The following PLD1 variants were observed in gnomAD, a reference collection of about 807,000 sequenced individuals.
PLD1 encodes the protein phospholipase D1, also known as choline phosphatase 1.
Under a neutral mutation model 137.1 loss-of-function variants are expected in PLD1, and 112 were observed. The ratio of observed to expected loss-of-function variants is 0.82; its 90% CI spans 0.70 to 0.96. The LOEUF is 0.96. Among genes scored for constraint, PLD1 ranks in the 40% least tolerant of loss-of-function variants. The pLI is 0.00. For missense variants in PLD1, 1,321 were observed against 1,342.0 expected, an observed-to-expected ratio of 0.98 and a Z score of 0.24; for synonymous variants, 431 against 454.7, an observed-to-expected ratio of 0.95 and a Z score of 0.66.
At chr3:171,805,187 G>T (rs1324204476) in intron 1 of PLD1, among the ~76,000 whole-genome samples, 1 of 151,818 alleles carries the variant, frequency 6.6e-6, no homozygotes, top group African/African-American at 2.4e-5. Context: ...TTTCTTTTGT[G>T]CGTCAGAGGC....
chr3:171,638,549 G>T (rs1735359173), intron 23 of PLD1, among the ~76,000 whole-genome samples: 1 of 152,120 alleles, frequency 6.6e-6, no homozygotes, highest in African/African-American at 2.4e-5. Flanking sequence ...TGAAGAATTG[G>T]TGTTAATTCT....
At position 171,738,127 on chromosome 3, in the gene PLD1, C is replaced by T. The variant is rs1006844567; in HGVS notation, c.-31-45G>A. 5.2e-6 allele frequency: 6 copies of T among 1,151,120 alleles called. No homozygotes were observed. In the African/African-American group the frequency reaches 6.2e-5, roughly 12 times the overall value. The allele number at this position is 1,151,120 out of a possible 1,614,324, so 71.3% of individuals were successfully genotyped here. ...TTACAAAGACTTAGCATTTTGATAA[C>T]ATAAAATGCTATTCCACAATTTGAA... On this transcript the variant is annotated intron_variant, in intron 1 of 26. Transcript: ENST00000351298.
chr3:171,778,354 T>C (rs2108338388), intron 1 of PLD1, among the ~76,000 whole-genome samples: 1 of 152,350 alleles, frequency 6.6e-6, no homozygotes, highest in South Asian at 2.1e-4. Flanking sequence ...TCAGGGAGTT[T>C]ATATTCTATT....
intron 16 of PLD1, among the ~76,000 whole-genome samples, chr3:171,678,482 C>G (rs532509918): frequency 6.6e-6 from 1 of 152,274 alleles, no homozygotes; most frequent in African/African-American, 2.4e-5. Flanking sequence ...CATTGACTTA[C>G]GGCTAAATAC....
intron 13 of PLD1, 73 bp downstream of exon 13, chr3:171,692,259 C>A: frequency 1.3e-6 from 1 of 744,044 alleles, no homozygotes; most frequent in Non-Finnish European, 2.4e-6. Context: ...TATTACTGCC[C>A]AGAACAAAAC....
chr3:171,746,517 C>T (rs1221696174), intron 1 of PLD1, among the ~76,000 whole-genome samples: 1 of 152,170 alleles, frequency 6.6e-6, no homozygotes, highest in African/African-American at 2.4e-5. Flanking sequence ...GTAAATACAA[C>T]AATCAGCACT....
chr3:171,762,539 ACCC>A (rs575254549), intron 1 of PLD1, among the ~76,000 whole-genome samples: 38 of 152,252 alleles, frequency 2.5e-4, no homozygotes, highest in Non-Finnish European at 4.6e-4. Flanking sequence ...TGTAGCGGGG[ACCC>A]AGAGGAGGAG....
intron 13 of PLD1, among the ~76,000 whole-genome samples, chr3:171,690,494 TC>T (rs1715043722): frequency 1.3e-5 from 2 of 152,308 alleles, no homozygotes; most frequent in Middle Eastern, 6.8e-3. Context: ...GCTGTAAATT[TC>T]CCCCTTTGCA....
intron 1 of PLD1, among the ~76,000 whole-genome samples, chr3:171,783,032 T>TA (rs1314991047): frequency 6.6e-6 from 1 of 151,934 alleles, no homozygotes; most frequent in African/African-American, 2.4e-5. Flanking sequence ...TGCAAGAGAA[T>TA]ATGGGAGCTG....
At chr3:171,680,086 T>C (rs1426520365) in intron 16 of PLD1, among the ~76,000 whole-genome samples, 1 of 152,084 alleles carries the variant, frequency 6.6e-6, no homozygotes, top group African/African-American at 2.4e-5. Context: ...TGTCCTCTGG[T>C]CGTGCCACAT....
intron 16 of PLD1, among the ~76,000 whole-genome samples, chr3:171,678,889 A>G (rs1285543219): frequency 2.0e-5 from 3 of 152,064 alleles, no homozygotes; most frequent in Non-Finnish European, 4.4e-5. Context: ...CCATGTCTCC[A>G]TGCAGTTGGC....
intron 23 of PLD1, among the ~76,000 whole-genome samples, chr3:171,629,523 A>T (rs1310278138): frequency 6.6e-6 from 1 of 152,230 alleles, no homozygotes; most frequent in Non-Finnish European, 1.5e-5. Context: ...TTTAAAGTTC[A>T]CATGGAACCA....
chr3:171,661,046 A>G (rs149200273), intron 20 of PLD1, among the ~76,000 whole-genome samples: 1 of 152,350 alleles, frequency 6.6e-6, no homozygotes, highest in African/African-American at 2.4e-5. Context: ...ACTAAGCTCC[A>G]GACTTTATGC....
chr3:171,670,569 T>C (rs974850268), intron 19 of PLD1, among the ~76,000 whole-genome samples: 7 of 152,192 alleles, frequency 4.6e-5, no homozygotes, highest in African/African-American at 7.2e-5. Context: ...ATTATAGAAA[T>C]AGCAGGTTTT....
intron 12 of PLD1, among the ~76,000 whole-genome samples, chr3:171,694,627 T>C (rs1446969783): frequency 6.6e-6 from 1 of 151,936 alleles, no homozygotes; most frequent in Non-Finnish European, 1.5e-5. Flanking sequence ...ACCTAAATAG[T>C]AGAACATTAC....
intron 1 of PLD1, among the ~76,000 whole-genome samples, chr3:171,794,713 A>G (rs1723359031): frequency 6.6e-6 from 1 of 152,228 alleles, no homozygotes; most frequent in South Asian, 2.1e-4. Flanking sequence ...GACAATTCAT[A>G]AAGAAGATGT....
chr3:171,667,459 T>C (rs1427499455), intron 19 of PLD1, among the ~76,000 whole-genome samples: 1 of 152,228 alleles, frequency 6.6e-6, no homozygotes, highest in East Asian at 1.9e-4. Flanking sequence ...ATTTTGAGGC[T>C]GAAGGACAGA....
rs767706072 is a variant in PLD1 at position 171,676,833 on chromosome 3, T to C, written c.1997A>G (p.Asp666Gly). 1 of 1,605,130 alleles carries C rather than the reference T, an allele frequency of 6.2e-7. No individual in the cohort carries two copies. Among genetic ancestry groups the C allele is most frequent in the South Asian group, 1.1e-5 (1 of 90,848 alleles). ...GGGCGTGGAGTACCTGTCAATGAAATCTGCCCGGGTGCACCAGGCAAGGAT... is the reference window on the plus strand; with the variant it reads ...GGGCGTGGAGTACCTGTCAATGAAACCTGCCCGGGTGCACCAGGCAAGGAT... ...DWVQLDKPFA[D>G]FIDRYSTPRM... Residue 666 changes from aspartate (D) to glycine (G), a missense_variant and splice_region_variant, in exon 18 of 27, where the codon GAT becomes GGT. Asp to Gly is a moderately conservative substitution (Grantham distance 94). Coordinates refer to ENST00000351298, the MANE Select transcript of PLD1 (RefSeq NM_002662.5).
chr3:171,765,677 T>A (rs1721935772), intron 1 of PLD1, among the ~76,000 whole-genome samples: 1 of 152,168 alleles, frequency 6.6e-6, no homozygotes. Context: ...ATCTGTAAAA[T>A]GAGGAAGGGG....
Sources: gnomAD v4.1 joint callset for allele counts (sites outside exome capture counted in the v4.1 genomes callset) on GRCh38, gnomAD v4.1.1 for gene constraint, MANE v1.5 for transcripts, NCBI Gene and HGNC (gene_info 2026-07-23, HGNC 2026-07-21) for gene names.